Variants in CPNE5 observed in about 807,000 individuals in gnomAD.
CPNE5 encodes copine-5.
In CPNE5, 42 loss-of-function variants were observed where a neutral mutation model predicts 81.1. The observed-to-expected ratio is 0.52, with a 90% CI of 0.40 to 0.67. The LOEUF (loss-of-function observed/expected upper bound fraction) is 0.67, where lower values mean the gene tolerates loss of function less well. Ranked by LOEUF, CPNE5 falls within the 30% of genes least tolerant of loss-of-function variation. The pLI is 0.00. For missense variants in CPNE5, 612 were observed against 815.5 expected, an observed-to-expected ratio of 0.75 and a Z score of 3.04; for synonymous variants, 313 against 321.5, an observed-to-expected ratio of 0.97 and a Z score of 0.28.
At chr6:36,823,021 C>CT in intron 2 of CPNE5, 37 bp downstream of exon 2, 1 of 1,526,578 alleles carries the variant, frequency 6.6e-7, no homozygotes, top group Non-Finnish European at 8.9e-7. Flanking sequence ...AGCGTTGCCG[C>CT]TATTGTTACC....
At chr6:36,752,783 T>G (rs960650629) in intron 14 of CPNE5, among the ~76,000 whole-genome samples, 1 of 152,214 alleles carries the variant, frequency 6.6e-6, no homozygotes, top group Non-Finnish European at 1.5e-5. Context: ...TGTCTCTGCA[T>G]GGAGACCTGA....
At chr6:36,808,883 G>A (rs1770841731) in intron 3 of CPNE5, among the ~76,000 whole-genome samples, 1 of 152,188 alleles carries the variant, frequency 6.6e-6, no homozygotes, top group African/African-American at 2.4e-5. Flanking sequence ...CTTGCCCAAG[G>A]TCACACAGCT....
At chr6:36,781,459 C>T (rs1311208959) in intron 8 of CPNE5, among the ~76,000 whole-genome samples, 1 of 152,146 alleles carries the variant, frequency 6.6e-6, no homozygotes, top group African/African-American at 2.4e-5. Context: ...AAATCATATG[C>T]CTAAAGTCCT....
chr6:36,786,531 G>C (rs151282451), intron 8 of CPNE5, among the ~76,000 whole-genome samples: 1 of 152,104 alleles, frequency 6.6e-6, no homozygotes. Context: ...CCCACTCACC[G>C]AGCCTGTGTT....
At chr6:36,807,978 T>A (rs1770747215) in intron 3 of CPNE5, among the ~76,000 whole-genome samples, 1 of 152,150 alleles carries the variant, frequency 6.6e-6, no homozygotes, top group Non-Finnish European at 1.5e-5. Context: ...GGAAGCCACG[T>A]AGTGAAAGTA....
rs1435332115 is a variant in CPNE5, at chr6:36,766,190, C to A, written c.738-814G>T. Among the ~76,000 whole-genome samples the A allele has an allele frequency of 6.6e-6, 1 of 152,120 alleles. No individual in the cohort carries two copies. Among genetic ancestry groups the A allele is most frequent in the Non-Finnish European group, 1.5e-5 (1 of 68,004 alleles). On this transcript the variant is annotated intron_variant, in intron 10 of 20. Coordinates refer to ENST00000244751, the MANE Select transcript of CPNE5 (RefSeq NM_020939.2). The surrounding 1 kb of genome is among the most constrained non-coding windows in gnomAD (Gnocchi z 4.2). ...GGGGAGGTGGGAAGGGCCTGGGGAG[C>A]TGGGGTCTTCAGCCTTCAGTTCTTA...
chr6:36,756,112 C>CCACAAAA, intron 13 of CPNE5, 133 bp downstream of exon 13: 1 of 523,830 alleles, frequency 1.9e-6, no homozygotes, highest in Non-Finnish European at 3.5e-6. Context: ...CTCCCCACCC[C>CCACAAAA]ATCTCTCTTG....
At chr6:36,818,264 C>T (rs112300271) in intron 3 of CPNE5, among the ~76,000 whole-genome samples, 4 of 152,290 alleles carry the variant, frequency 2.6e-5, no homozygotes, top group Admixed American at 6.5e-5. Context: ...CTTCTGGCTG[C>T]GACTTTCCCT....
intron 3 of CPNE5, among the ~76,000 whole-genome samples, chr6:36,814,203 G>A (rs1771340927): frequency 6.6e-6 from 1 of 152,136 alleles, no homozygotes; most frequent in African/African-American, 2.4e-5. Flanking sequence ...AAAAACTGAA[G>A]TCAATCTGGG....
At chr6:36,773,504 C>T (rs1462579873) in intron 10 of CPNE5, among the ~76,000 whole-genome samples, 1 of 152,240 alleles carries the variant, frequency 6.6e-6, no homozygotes, top group Non-Finnish European at 1.5e-5. Flanking sequence ...GTGAAGACTG[C>T]ACCCTGCTGA....
chr6:36,797,697 G>A (rs1175402709), intron 6 of CPNE5, among the ~76,000 whole-genome samples: 1 of 152,214 alleles, frequency 6.6e-6, no homozygotes, highest in Non-Finnish European at 1.5e-5. Flanking sequence ...GGGACCATCA[G>A]GGACAGGATG....
chr6:36,774,901 T>G lies in CPNE5; in HGVS notation c.737+60A>C, dbSNP rs1767365359. ...TCAATATGAATGGGGCCACCCTCAC[T>G]TGTGCTTGGGGAGGGCCCAGAAGCA... On this transcript the variant is annotated intron_variant, in intron 10 of 20. Transcript: ENST00000244751. 13 of 1,333,166 alleles carry G rather than the reference T, an allele frequency of 9.8e-6. No homozygotes were observed. The East Asian group carries it at 2.8e-4, about 29-fold the overall frequency. The allele number at this position is 1,333,166 out of a possible 1,614,324, so 82.6% of individuals were successfully genotyped here.
At chr6:36,743,873 C>T (rs2150352862) in intron 19 of CPNE5, 111 bp from the exon 20 acceptor site, 1 of 924,012 alleles carries the variant, frequency 1.1e-6, no homozygotes, top group East Asian at 2.5e-5. Context: ...GCCGAGACCA[C>T]TGGCCCATGC....
intron 1 of CPNE5, among the ~76,000 whole-genome samples, chr6:36,830,577 G>A (rs1425371041): frequency 6.6e-6 from 1 of 152,180 alleles, no homozygotes; most frequent in Non-Finnish European, 1.5e-5. Context: ...TCTCCTTCCT[G>A]GGGCAATTTG....
chr6:36,786,425 T>C (rs1768556953), intron 8 of CPNE5, among the ~76,000 whole-genome samples: 1 of 152,220 alleles, frequency 6.6e-6, no homozygotes. Context: ...TTTTCTTTGT[T>C]GTCTTAATGA....
At chr6:36,831,233 T>C (rs932893984) in intron 1 of CPNE5, among the ~76,000 whole-genome samples, 1 of 151,770 alleles carries the variant, frequency 6.6e-6, no homozygotes, top group Non-Finnish European at 1.5e-5. Context: ...TTTTGTATTT[T>C]CAGTAGAGAT....
chr6:36,745,220 C>A (rs943772022), intron 17 of CPNE5, 70 bp from the exon 18 acceptor site: 1 of 1,465,714 alleles, frequency 6.8e-7, no homozygotes, highest in Non-Finnish European at 9.5e-7. Context: ...TAAACAAGGA[C>A]CCTGAACACT....
At chr6:36,824,879 G>A (rs1402659230) in intron 1 of CPNE5, among the ~76,000 whole-genome samples, 1 of 152,212 alleles carries the variant, frequency 6.6e-6, no homozygotes, top group Non-Finnish European at 1.5e-5. Flanking sequence ...CAGGGAGGTG[G>A]AGGTTGCAGT....
At chr6:36,757,107 C>A (rs994568737) in intron 12 of CPNE5, among the ~76,000 whole-genome samples, 19 of 152,326 alleles carry the variant, frequency 1.2e-4, no homozygotes, top group African/African-American at 4.6e-4. Context: ...AAGGCCAAGA[C>A]TGGGCAAAGT....
Sources: allele counts gnomAD v4.1 joint callset (sites outside exome capture counted in the v4.1 genomes callset), GRCh38; gene constraint gnomAD v4.1.1; non-coding constraint Gnocchi (gnomAD v3.1); transcripts MANE v1.5; gene names NCBI Gene and HGNC (gene_info 2026-07-23, HGNC 2026-07-21).